The following DSC3 variants were observed in gnomAD, a reference collection of about 807,000 sequenced individuals.
The protein encoded by DSC3 is desmocollin-3.
DSC3 carries 97 observed loss-of-function variants against 89.5 expected under a neutral mutation model. The ratio of observed to expected loss-of-function variants is 1.08; its 90% CI spans 0.92 to 1.28. The LOEUF is 1.28. Ranked by LOEUF, DSC3 falls within the 50% of genes most tolerant of loss-of-function variation. The pLI is 0.00. For missense variants in DSC3, 1,199 were observed against 1,085.3 expected (o/e 1.10, Z -1.47); for synonymous variants, 436 against 384.1 (o/e 1.14, Z -1.58).
intron 1 of DSC3, among the ~76,000 whole-genome samples, chr18:31,039,773 G>A (rs1162129201): frequency 1.3e-5 from 2 of 152,112 alleles, no homozygotes; most frequent in Non-Finnish European, 2.9e-5. Flanking sequence ...TATTCAGAAC[G>A]TGCTTCCGTA....
At chr18:31,017,474 A>G (rs1486741540) in intron 9 of DSC3, among the ~76,000 whole-genome samples, 1 of 152,146 alleles carries the variant, frequency 6.6e-6, no homozygotes, top group African/African-American at 2.4e-5. Context: ...AGCACCACCA[A>G]ATATACAACA....
Position 30,994,464 on chromosome 18 carries a change from T to G in DSC3, c.2494-92A>C, listed in dbSNP as rs766835878. On this transcript the variant is annotated intron_variant, in intron 15 of 15. Transcript: ENST00000360428. The stretch of plus-strand genomic sequence containing the variant: ...TTTATTTTTATTTACCTTTTATGTT[T>G]AATTTTTAACCAGTGTGTCCTCTAA... 2.5e-6 allele frequency: 4 copies of G among 1,597,686 alleles called. No homozygotes were observed. The Admixed American group carries it at 5.0e-5, about 20-fold the overall frequency.
intron 9 of DSC3, among the ~76,000 whole-genome samples, chr18:31,013,796 G>A (rs1985147492): frequency 6.6e-6 from 1 of 152,016 alleles, no homozygotes. Context: ...TTTCTGATGA[G>A]CATGTCAACA....
chr18:31,025,706 C>T, intron 5 of DSC3, 54 bp downstream of exon 5: 1 of 1,559,076 alleles, frequency 6.4e-7, no homozygotes, highest in Non-Finnish European at 8.8e-7. Flanking sequence ...GAGTAAGCAT[C>T]AGAAGAAACA....
rs145226061 is a variant in DSC3, at chr18:30,995,065, C to T, written c.2494-693G>A. On this transcript the variant is annotated intron_variant, in intron 15 of 15. Transcript: ENST00000360428. ...AAAAGAATGAACATGACCCATATTG[C>T]AAAAACTGGGCTTTTATAATGAAGA... is the stretch of plus-strand genomic sequence containing the variant. Among the ~76,000 whole-genome samples the T allele has an allele frequency of 1.0e-3, 155 of 152,232 alleles. 1 individual carries two copies. Among genetic ancestry groups the T allele is most frequent in the African/African-American group, 3.6e-3 (151 of 41,544 alleles).
At chr18:31,039,177 T>C (rs1986060465) in intron 1 of DSC3, among the ~76,000 whole-genome samples, 1 of 152,138 alleles carries the variant, frequency 6.6e-6, no homozygotes, top group South Asian at 2.1e-4. Flanking sequence ...CAAAATAGTT[T>C]TGTTGCATTT....
At position 30,990,071 on chromosome 18, in the gene DSC3, G is replaced by A. The variant is rs900738808; in HGVS notation, c.*4104C>T. 2 of 152,052 alleles carry A rather than the reference G, an allele frequency of 1.3e-5. No individual in the cohort carries two copies. Among genetic ancestry groups the A allele is most frequent in the African/African-American group, 2.4e-5 (1 of 41,402 alleles). 9.4% of individuals were successfully genotyped at this position (152,052 alleles called of 1,614,324 possible). ...CCTAAAAAGAGATGAGATATTGTTC[G>A]GTAGTATATCCAACTACATAATTTT... On this transcript the variant is annotated 3_prime_UTR_variant, in exon 16 of 16. Coordinates refer to ENST00000360428, the MANE Select transcript of DSC3 (RefSeq NM_001941.5).
At chr18:31,008,638 T>G (rs940947094) in intron 9 of DSC3, 113 bp from the exon 10 acceptor site, 5 of 1,377,028 alleles carry the variant, frequency 3.6e-6, no homozygotes, top group Non-Finnish European at 5.1e-6. Context: ...TATGTTCACA[T>G]GTTGTTAATA....
chr18:31,024,243 C>G lies in DSC3; in HGVS notation c.775+106G>C, dbSNP rs116009142. On this transcript the variant is annotated intron_variant, in intron 6 of 15. Coordinates refer to ENST00000360428, the MANE Select transcript of DSC3 (RefSeq NM_001941.5). ...TTCTGGTAAGTAGATTCTAGTTCAG[C>G]GTTATCTCAGGCTGATCTGGCCTTG... 2,800 of 1,073,260 alleles carry G rather than the reference C, an allele frequency of 2.6e-3. 63 individuals carry two copies. The African/African-American group carries it at 0.041, about 16-fold the overall frequency. The allele number at this position is 1,073,260 out of a possible 1,614,324, so 66.5% of individuals were successfully genotyped here. A position where few individuals can be genotyped will look rare whatever the true frequency, so the allele number is the denominator to read the frequency against.
At chr18:31,026,052 T>C in intron 4 of DSC3, 137 bp from the exon 5 acceptor site, 1 of 906,682 alleles carries the variant, frequency 1.1e-6, no homozygotes, top group Admixed American at 2.6e-5. Context: ...TAATAACCAT[T>C]GTTGGCAAGA....
chr18:31,025,335 C>A (rs749151390), intron 5 of DSC3, among the ~76,000 whole-genome samples: 1 of 151,966 alleles, frequency 6.6e-6, no homozygotes, highest in Non-Finnish European at 1.5e-5. Flanking sequence ...CAGATGTGAT[C>A]AAATAATCAT....
chr18:31,025,856 A>T lies in DSC3; in HGVS notation c.534T>A (p.Val178=). 6.2e-7 allele frequency: 1 copy of T among 1,613,218 alleles called. No individual in the cohort carries two copies. The highest frequency in any genetic ancestry group is 2.2e-5 in the East Asian group (1 of 44,818). The change falls in exon 5 of 16, where the codon GTT becomes GTA. Residue 178 remains valine, a synonymous_variant. Coordinates refer to ENST00000360428, the MANE Select transcript of DSC3 (RefSeq NM_001941.5). ...AAAACAAATTTAAAGGTTCTTTATC[A>T]ACTCCACGTCCACTTATTGAGTAGA... The part of the protein sequence containing the change: ...TVFYSISGRG[V]DKEPLNLFYI...
chr18:31,028,853 T>C (rs1216169194), intron 4 of DSC3, among the ~76,000 whole-genome samples: 1 of 152,126 alleles, frequency 6.6e-6, no homozygotes, highest in African/African-American at 2.4e-5. Flanking sequence ...CCATAGTGGT[T>C]TGACCCCTAC....
At position 31,029,576 on chromosome 18, in the gene DSC3, C is replaced by T; in HGVS notation, c.407G>A (p.Arg136Lys). The T allele has an allele frequency of 3.1e-6, 5 of 1,613,876 alleles. No individual in the cohort carries two copies. The highest frequency in any genetic ancestry group is 4.2e-6 in the Non-Finnish European group (5 of 1,179,742). ...RETVLRRAKR[R>K]WAPIPCSMQE... ...CATAGAGCAAGGAATAGGTGCCCAT[C>T]TCCTCTTGGCACGCCTGAGAACAGT... The change falls in exon 4 of 16, where the codon AGA becomes AAA. Residue 136 changes from arginine (R) to lysine (K), a missense_variant. Transcript: ENST00000360428.
At chr18:31,009,306 G>T (rs1984979390) in intron 9 of DSC3, among the ~76,000 whole-genome samples, 1 of 152,050 alleles carries the variant, frequency 6.6e-6, no homozygotes, top group Admixed American at 6.6e-5. Context: ...ACCTCCCTTG[G>T]CATCCCTAAA....
At chr18:31,030,065 T>G (rs952919445) in intron 3 of DSC3, among the ~76,000 whole-genome samples, 8 of 152,212 alleles carry the variant, frequency 5.3e-5, no homozygotes, top group African/African-American at 1.9e-4. Flanking sequence ...ATTTACACAG[T>G]CTGATATGGT....
intron 1 of DSC3, among the ~76,000 whole-genome samples, chr18:31,037,590 T>A (rs138188811): frequency 1.3e-3 from 198 of 152,294 alleles, no homozygotes; most frequent in Admixed American, 2.1e-3. Context: ...TTGTTAGATA[T>A]GTTTCATTAC....
At chr18:31,009,688 A>T (rs956506682) in intron 9 of DSC3, among the ~76,000 whole-genome samples, 12 of 152,240 alleles carry the variant, frequency 7.9e-5, no homozygotes, top group African/African-American at 2.9e-4. Flanking sequence ...AACAGTGAAA[A>T]TAAACTCACT....
At chr18:31,023,419 T>G (rs1327216493) in intron 6 of DSC3, among the ~76,000 whole-genome samples, 1 of 152,108 alleles carries the variant, frequency 6.6e-6, no homozygotes, top group Non-Finnish European at 1.5e-5. Context: ...TTCCATAACA[T>G]CATGTTGTAA....
Sources: gnomAD v4.1 joint callset for allele counts (sites outside exome capture counted in the v4.1 genomes callset) on GRCh38, gnomAD v4.1.1 for gene constraint, MANE v1.5 for transcripts, NCBI Gene and HGNC (gene_info 2026-07-23, HGNC 2026-07-21) for gene names.